The following BTD variants were observed in gnomAD, a reference collection of about 807,000 sequenced individuals.
The protein encoded by BTD is biotinidase.
Under a neutral mutation model 17.7 loss-of-function variants are expected in BTD, and 13 were observed. The observed-to-expected ratio is 0.74, with a 90% CI of 0.48 to 1.17. The LOEUF (loss-of-function observed/expected upper bound fraction) is 1.17, where lower values mean the gene tolerates loss of function less well. Among genes scored for constraint, BTD ranks in the 50% most tolerant of loss-of-function variants. The pLI is 0.00. For missense variants in BTD, 674 were observed against 650.4 expected, an observed-to-expected ratio of 1.04 and a Z score of -0.39; for synonymous variants, 240 against 245.2, an observed-to-expected ratio of 0.98 and a Z score of 0.20.
intron 1 of BTD, among the ~76,000 whole-genome samples, chr3:15,624,629 T>TG (rs2065025663): frequency 6.6e-6 from 1 of 150,724 alleles, no homozygotes; most frequent in Non-Finnish European, 1.5e-5. Context: ...TGGCTGTTGT[T>TG]TTTTTTTTCA....
chr3:15,692,287 A>G (rs1446617087), intron 3 of BTD, among the ~76,000 whole-genome samples: 3 of 152,142 alleles, frequency 2.0e-5, no homozygotes, highest in Non-Finnish European at 4.4e-5. Flanking sequence ...TGTCTCTACA[A>G]AAAAATAAAG....
In BTD at chr3:15,642,027, C is replaced by G; in HGVS notation, c.369C>G (p.Cys123Trp). Reference sequence around the variant, plus strand: ...CCCAGGTGGTCAGGTGGAACCCATGCCTGGAGCCTCACCGCTTCAATGACA... The same window carrying G: ...CCCAGGTGGTCAGGTGGAACCCATGGCTGGAGCCTCACCGCTTCAATGACA... ...PSPQVVRWNP[C>W]LEPHRFNDTE... The change falls in exon 3 of 4, where the codon TGC becomes TGG. Residue 123 changes from cysteine (C) to tryptophan (W), a missense_variant. By Grantham distance (215) the Cys-to-Trp change is radical. Transcript: ENST00000643237. 3 of 1,614,206 alleles carry G rather than the reference C, an allele frequency of 1.9e-6. No individual in the cohort carries two copies. The highest frequency in any genetic ancestry group is 2.5e-6 in the Non-Finnish European group (3 of 1,180,036).
chr3:15,658,060 C>T (rs1418127585), downstream of BTD, among the ~76,000 whole-genome samples: 5 of 151,516 alleles, frequency 3.3e-5, no homozygotes, highest in African/African-American at 1.2e-4. Context: ...CCCAGCTCCT[C>T]GGGAGGCTGA....
chr3:15,722,464 C>T (rs2073831772), downstream of BTD, among the ~76,000 whole-genome samples: 1 of 152,300 alleles, frequency 6.6e-6, no homozygotes, highest in East Asian at 1.9e-4. Flanking sequence ...CTTCCTTTGG[C>T]TGATCTCAGT....
At chr3:15,672,160 T>C (rs1212901942) in intron 3 of BTD, among the ~76,000 whole-genome samples, 2 of 151,872 alleles carry the variant, frequency 1.3e-5, no homozygotes, top group East Asian at 1.9e-4. Context: ...TTTTTTTTTT[T>C]TTTGAGACAG....
intron 1 of BTD, among the ~76,000 whole-genome samples, chr3:15,633,668 A>G (rs1403895700): frequency 6.6e-6 from 1 of 152,158 alleles, no homozygotes; most frequent in Non-Finnish European, 1.5e-5. Context: ...GGACTGGTTC[A>G]TACCCTCCTC....
At chr3:15,633,499 CG>C (rs776177457) in intron 1 of BTD, among the ~76,000 whole-genome samples, 2 of 152,204 alleles carry the variant, frequency 1.3e-5, no homozygotes, top group Non-Finnish European at 2.9e-5. Flanking sequence ...TGATACCTTG[CG>C]GATTTTGCGG....
intron 1 of BTD, among the ~76,000 whole-genome samples, chr3:15,620,829 A>T (rs550410939): frequency 3.9e-5 from 6 of 152,228 alleles, no homozygotes; most frequent in Admixed American, 3.9e-4. Context: ...TGGGATATAT[A>T]TAGAGAGATA....
At chr3:15,625,299 TC>T (rs1157464319) in intron 1 of BTD, among the ~76,000 whole-genome samples, 1 of 152,086 alleles carries the variant, frequency 6.6e-6, no homozygotes, top group Non-Finnish European at 1.5e-5. Flanking sequence ...GTATTTCCCT[TC>T]CCCCAGGTCA....
intron 1 of BTD, among the ~76,000 whole-genome samples, chr3:15,608,066 C>G (rs533453923): frequency 1.3e-5 from 2 of 152,232 alleles, no homozygotes; most frequent in South Asian, 2.1e-4. Flanking sequence ...AATAAAAAAG[C>G]TTGATAATAA....
intron 1 of BTD, among the ~76,000 whole-genome samples, chr3:15,610,644 C>T (rs1157068891): frequency 6.6e-6 from 1 of 152,284 alleles, no homozygotes; most frequent in Non-Finnish European, 1.5e-5. Context: ...TAACACCAAT[C>T]CCACACTATC....
At chr3:15,659,248 G>T (rs2065899512) in intron 3 of BTD, among the ~76,000 whole-genome samples, 1 of 152,032 alleles carries the variant, frequency 6.6e-6, no homozygotes, top group Non-Finnish European at 1.5e-5. Context: ...ATCCATTGCT[G>T]TGCTTATAAT....
intron 1 of BTD, chr3:15,602,210 C>T: frequency 7.3e-7 from 1 of 1,368,574 alleles, no homozygotes; most frequent in Non-Finnish European, 9.4e-7. Flanking sequence ...TAAAATGACG[C>T]TCAGAGTCAG....
At position 15,648,211 on chromosome 3, in the gene BTD, G is replaced by A. The variant is rs984452793; in HGVS notation, c.*2723G>A. On this transcript the variant is annotated 3_prime_UTR_variant, in exon 4 of 4. Transcript: ENST00000643237. ...TTGATTCTCAATGAAACTCAGAACCGCTCAAGTGAAATGACCACTCAAAGA... is the reference window on the plus strand; with the variant it reads ...TTGATTCTCAATGAAACTCAGAACCACTCAAGTGAAATGACCACTCAAAGA... Among the ~76,000 whole-genome samples the A allele has an allele frequency of 1.2e-4, 19 of 152,180 alleles. No individual in the cohort carries two copies. Among genetic ancestry groups the A allele is most frequent in the African/African-American group, 4.6e-4 (19 of 41,422 alleles).
intron 3 of BTD, among the ~76,000 whole-genome samples, chr3:15,699,642 C>G (rs2070250675): frequency 6.6e-6 from 1 of 152,214 alleles, no homozygotes; most frequent in African/African-American, 2.4e-5. Context: ...AAATGCTCAT[C>G]ATCACTGGTC....
At chr3:15,636,796 G>T (rs1408519027) in intron 2 of BTD, among the ~76,000 whole-genome samples, 1 of 150,614 alleles carries the variant, frequency 6.6e-6, no homozygotes, top group African/African-American at 2.4e-5. Context: ...GGGTGTTTGG[G>T]GGCAGGGGGT....
At chr3:15,683,082 GA>G (rs2067709639) in intron 3 of BTD, among the ~76,000 whole-genome samples, 1 of 152,136 alleles carries the variant, frequency 6.6e-6, no homozygotes. Context: ...CACTGTAATA[GA>G]AAGCAACTCT....
chr3:15,697,981 A>G (rs2069916576), intron 3 of BTD, among the ~76,000 whole-genome samples: 2 of 152,002 alleles, frequency 1.3e-5, no homozygotes, highest in Admixed American at 1.3e-4. Flanking sequence ...ATGTCCAAGA[A>G]TTTATCCCTT....
chr3:15,720,378 T>G (rs2124904102), intron 4 of BTD, among the ~76,000 whole-genome samples: 1 of 152,296 alleles, frequency 6.6e-6, no homozygotes. Flanking sequence ...TATTGTAGAT[T>G]CATCTATCCT....
Sources: gnomAD v4.1 joint callset for allele counts (sites outside exome capture counted in the v4.1 genomes callset) on GRCh38, gnomAD v4.1.1 for gene constraint, MANE v1.5 for transcripts, NCBI Gene and HGNC (gene_info 2026-07-23, HGNC 2026-07-21) for gene names.